Variants in PARD3B observed in about 807,000 individuals in gnomAD.
PARD3B encodes the protein partitioning defective 3 homolog B.
A neutral mutation model predicts 130.2 loss-of-function variants in PARD3B; 103 were observed. The ratio of observed to expected loss-of-function variants is 0.79; its 90% CI spans 0.67 to 0.93. The LOEUF is 0.93. Ranked by LOEUF, PARD3B falls within the 40% of genes least tolerant of loss-of-function variation. The probability of loss-of-function intolerance (pLI) is 0.00; values close to 1 mark genes in which losing one functional copy is unlikely to be tolerated. For synonymous variants in PARD3B, 583 were observed against 553.2 expected (o/e 1.05, Z -0.76); for missense variants, 1,609 against 1,499.2 (o/e 1.07, Z -1.21).
At chr2:204,844,713 T>C (rs2044395181) in intron 2 of PARD3B, among the ~76,000 whole-genome samples, 1 of 152,188 alleles carries the variant, frequency 6.6e-6, no homozygotes, top group African/African-American at 2.4e-5. Context: ...GTTACAGGCC[T>C]ATTCTTTTTA....
At chr2:205,597,941 C>T (rs2054629832) in intron 22 of PARD3B, among the ~76,000 whole-genome samples, 1 of 152,112 alleles carries the variant, frequency 6.6e-6, no homozygotes. Flanking sequence ...AAAGGGACCA[C>T]TAGACCTGCC....
At chr2:204,938,012 T>A (rs1259559550) in intron 2 of PARD3B, among the ~76,000 whole-genome samples, 1 of 152,208 alleles carries the variant, frequency 6.6e-6, no homozygotes, top group Non-Finnish European at 1.5e-5. Flanking sequence ...CGCCAGTGGC[T>A]GAGTCCTAGG....
At chr2:205,000,135 A>G (rs1474646148) in intron 3 of PARD3B, among the ~76,000 whole-genome samples, 2 of 152,054 alleles carry the variant, frequency 1.3e-5, no homozygotes, top group Non-Finnish European at 2.9e-5. Flanking sequence ...GAATATTATT[A>G]TATAAAACAC....
chr2:205,461,312 A>G lies in PARD3B; in HGVS notation c.3044+20640A>G, dbSNP rs1489395334. Among the ~76,000 whole-genome samples the G allele has an allele frequency of 2.6e-5, 4 of 152,322 alleles. No homozygotes were observed. Among genetic ancestry groups the G allele is most frequent in the East Asian group, 1.9e-4 (1 of 5,178 alleles). On this transcript the variant is annotated intron_variant, in intron 20 of 22. Transcript: ENST00000406610. This position sits in a 1 kb window ranked among gnomAD's most constrained non-coding sequence, Gnocchi z 4.3. ...GCCCTGATGTGGAAAGGAACTTGGC[A>G]TGTGTGAAGAAGTGAAAGAAGGTCC...
At chr2:204,988,411 C>T (rs1693364164) in intron 3 of PARD3B, among the ~76,000 whole-genome samples, 1 of 152,004 alleles carries the variant, frequency 6.6e-6, no homozygotes, top group African/African-American at 2.4e-5. Context: ...ATGAATAAGA[C>T]ATAGAATGAC....
At chr2:204,888,586 A>T (rs970014099) in intron 2 of PARD3B, among the ~76,000 whole-genome samples, 1 of 151,760 alleles carries the variant, frequency 6.6e-6, no homozygotes, top group Non-Finnish European at 1.5e-5. Flanking sequence ...CAATAATTAG[A>T]TGGATGTGGT....
chr2:204,828,413 T>A (rs1173678248), intron 2 of PARD3B, among the ~76,000 whole-genome samples: 1 of 152,142 alleles, frequency 6.6e-6, no homozygotes, highest in African/African-American at 2.4e-5. Context: ...TCACAGCCTC[T>A]GAGGTGAGGC....
intron 16 of PARD3B, among the ~76,000 whole-genome samples, chr2:205,262,581 A>C (rs1426749912): frequency 2.0e-5 from 3 of 152,084 alleles, no homozygotes; most frequent in Non-Finnish European, 1.5e-5. Context: ...TCAAAAGTAT[A>C]AGAAAGGGGA....
At chr2:205,533,436 G>T (rs1324410521) in intron 21 of PARD3B, among the ~76,000 whole-genome samples, 1 of 151,988 alleles carries the variant, frequency 6.6e-6, no homozygotes, top group Non-Finnish European at 1.5e-5. Context: ...ATTTTCATGG[G>T]TTAATTCAAA....
At chr2:205,200,225 C>T (rs1184433854) in intron 15 of PARD3B, among the ~76,000 whole-genome samples, 1 of 152,076 alleles carries the variant, frequency 6.6e-6, no homozygotes, top group Non-Finnish European at 1.5e-5. Context: ...CTCATTGTCA[C>T]CTTGGAGAAA....
chr2:204,794,519 C>T (rs370682832), intron 2 of PARD3B, among the ~76,000 whole-genome samples: 21 of 152,022 alleles, frequency 1.4e-4, no homozygotes, highest in African/African-American at 4.1e-4. Context: ...AACACTTTGA[C>T]GTGGACAATT....
chr2:205,390,751 G>A (rs2045828995), intron 18 of PARD3B, among the ~76,000 whole-genome samples: 1 of 151,876 alleles, frequency 6.6e-6, no homozygotes, highest in African/African-American at 2.4e-5. Flanking sequence ...TCTTCATATT[G>A]TCCGTTTGTT....
At chr2:204,860,282 C>T (rs1216951325) in intron 2 of PARD3B, among the ~76,000 whole-genome samples, 2 of 152,050 alleles carry the variant, frequency 1.3e-5, no homozygotes, top group Non-Finnish European at 2.9e-5. Flanking sequence ...TAGAACCAGT[C>T]AGCTAGAGGA....
At position 204,883,884 on chromosome 2, in the gene PARD3B, C is replaced by T. The variant is rs11898510; in HGVS notation, c.223-81268C>T. Among the ~76,000 whole-genome samples the T allele has an allele frequency of 4.9e-3, 751 of 151,830 alleles. 8 individuals carry two copies. Among genetic ancestry groups the T allele is most frequent in the African/African-American group, 0.016 (681 of 41,364 alleles). On this transcript the variant is annotated intron_variant, in intron 2 of 22. Transcript: ENST00000406610. ...TCCCAAGTCACTGGGATTACAGGTG[C>T]GTGCCACCATGCCCAGCTAATTTTT...
At chr2:205,184,791 T>C (rs1036210418) in intron 13 of PARD3B, among the ~76,000 whole-genome samples, 1 of 151,752 alleles carries the variant, frequency 6.6e-6, no homozygotes, top group African/African-American at 2.4e-5. Flanking sequence ...CATATATATA[T>C]ATATAAATAA....
rs75278167 is a variant in PARD3B, at chr2:204,950,949, G to A, written c.223-14203G>A. Among the ~76,000 whole-genome samples, 285 of 152,280 alleles carry A rather than the reference G, an allele frequency of 1.9e-3. 7 individuals are homozygous for A. In the East Asian group the frequency reaches 0.048, roughly 26 times the overall value. ...ATTTCAACTAGCAAGGTTCCACTGG[G>A]ACTATAAGGTGTATAAAACCTACTA... On this transcript the variant is annotated intron_variant, in intron 2 of 22. Transcript: ENST00000406610.
intron 22 of PARD3B, 55 bp from the exon 23 acceptor site, chr2:205,615,401 C>T: frequency 1.4e-6 from 2 of 1,462,504 alleles, no homozygotes; most frequent in African/African-American, 1.4e-5. Context: ...ACATGTTCTC[C>T]AGCCGGACGG....
At chr2:205,043,810 TTTATTA>T (rs995267264) in intron 3 of PARD3B, among the ~76,000 whole-genome samples, 5 of 151,980 alleles carry the variant, frequency 3.3e-5, no homozygotes, top group Non-Finnish European at 5.9e-5. Flanking sequence ...AAATTTTTTA[TTTATTA>T]TTATTATACT....
At chr2:204,879,442 G>T (rs1258796982) in intron 2 of PARD3B, among the ~76,000 whole-genome samples, 1 of 152,164 alleles carries the variant, frequency 6.6e-6, no homozygotes, top group South Asian at 2.1e-4. Flanking sequence ...AAGGAGTTGG[G>T]TTCATTAATC....
Sources: allele counts gnomAD v4.1 joint callset (sites outside exome capture counted in the v4.1 genomes callset), GRCh38; gene constraint gnomAD v4.1.1; non-coding constraint Gnocchi (gnomAD v3.1); transcripts MANE v1.5; gene names NCBI Gene and HGNC (gene_info 2026-07-23, HGNC 2026-07-21).